Variants in MICALL1 observed in about 807,000 individuals in gnomAD.
MICALL1 encodes the protein MICAL-like protein 1.
A neutral mutation model predicts 83.7 loss-of-function variants in MICALL1; 61 were observed. The ratio of observed to expected loss-of-function variants is 0.73; its 90% CI spans 0.59 to 0.90. The LOEUF (loss-of-function observed/expected upper bound fraction) is 0.90, where lower values mean the gene tolerates loss of function less well. MICALL1 is among the 40% of genes least tolerant of loss of function. MICALL1 has a pLI of 0.00. For synonymous variants in MICALL1, 481 were observed against 473.6 expected, an observed-to-expected ratio of 1.02 and a Z score of -0.20; for missense variants, 1,066 against 1,152.0, an observed-to-expected ratio of 0.93 and a Z score of 1.08.
At position 37,930,107 on chromosome 22, in the gene MICALL1, T is replaced by A. The variant is rs958194452; in HGVS notation, c.1882-1692T>A. 9.2e-5 allele frequency among the ~76,000 whole-genome samples: 14 copies of A among 152,180 alleles called. No individual in the cohort carries two copies. Among genetic ancestry groups the A allele is most frequent in the Admixed American group, 7.9e-4 (12 of 15,286 alleles). On this transcript the variant is annotated intron_variant, in intron 9 of 15. Transcript: ENST00000215957. The surrounding 1 kb of genome is among the most constrained non-coding windows in gnomAD (Gnocchi z 4.8). ...GGGGTGGGTCACCTTCGGATTCTCG[T>A]GTTTCGTGTCCTGGGCTGCGTGAAT...
At chr22:37,935,473 A>G (rs979060267) in intron 13 of MICALL1, among the ~76,000 whole-genome samples, 1 of 147,728 alleles carries the variant, frequency 6.8e-6, no homozygotes, top group Non-Finnish European at 1.5e-5. Context: ...GTTAGCCAGG[A>G]TGGTCTTGAT....
Position 37,940,695 on chromosome 22 carries a change from T to G in MICALL1, c.2471-14T>G. 6.2e-7 allele frequency: 1 copy of G among 1,613,400 alleles called. No homozygotes were observed. Among genetic ancestry groups the G allele is most frequent in the Middle Eastern group, 1.7e-4 (1 of 6,058 alleles). ...TTCTCCACTTTATTAAGTGCTCCCC[T>G]CTCTGTGCTGCAGAGTTCCAGAGGG... On this transcript the variant is annotated splice_polypyrimidine_tract_variant and intron_variant, in intron 15 of 15. Coordinates refer to ENST00000215957, the MANE Select transcript of MICALL1 (RefSeq NM_033386.4).
At chr22:37,918,208 TCAA>T (rs1442838457) in intron 4 of MICALL1, among the ~76,000 whole-genome samples, 1 of 152,188 alleles carries the variant, frequency 6.6e-6, no homozygotes, top group Non-Finnish European at 1.5e-5. Flanking sequence ...TTTAATCCTC[TCAA>T]CAACCCAGGG....
chr22:37,913,876 CTTT>C (rs60697387), intron 3 of MICALL1, among the ~76,000 whole-genome samples: 4 of 138,672 alleles, frequency 2.9e-5, no homozygotes, highest in Admixed American at 1.5e-4. Flanking sequence ...TGGCCCAACT[CTTT>C]TTTTTTTTTT....
In MICALL1 at chr22:37,921,960, G is replaced by C; in HGVS notation, c.570-12G>C. On this transcript the variant is annotated splice_polypyrimidine_tract_variant and intron_variant, in intron 5 of 15. Transcript: ENST00000215957. ...GCCTGGCTAAGTGAACCCCTGTCCT[G>C]TCCCCTGCCAGGTGTCGGCGGTGCT... is the stretch of plus-strand genomic sequence containing the variant. 6.4e-7 allele frequency: 1 copy of C among 1,553,590 alleles called. No individual in the cohort carries two copies. Among genetic ancestry groups the C allele is most frequent in the Non-Finnish European group, 8.7e-7 (1 of 1,146,896 alleles).
chr22:37,926,349 C>T lies in MICALL1; in HGVS notation c.1465+306C>T, dbSNP rs1433352053. 7.9e-5 allele frequency among the ~76,000 whole-genome samples: 12 copies of T among 152,190 alleles called. No homozygotes were observed. The East Asian group carries it at 9.6e-4, about 12-fold the overall frequency. ...ATCTCTTCACCCTCCCTGTCGTGCTCGTTAAACGTGCTGTCTAGTGGTGTG... is the reference window on the plus strand; with the variant it reads ...ATCTCTTCACCCTCCCTGTCGTGCTTGTTAAACGTGCTGTCTAGTGGTGTG... On this transcript the variant is annotated intron_variant, in intron 8 of 15. Transcript: ENST00000215957.
In MICALL1 at chr22:37,927,706, C is replaced by A; in HGVS notation, c.1761C>A (p.Gly587=). 1 of 1,614,116 alleles carries A rather than the reference C, an allele frequency of 6.2e-7. No homozygotes were observed. Among genetic ancestry groups the A allele is most frequent in the Non-Finnish European group, 8.5e-7 (1 of 1,180,030 alleles). Residue 587 remains glycine, a synonymous_variant, in exon 9 of 16, where the codon GGC becomes GGA. Coordinates refer to ENST00000215957, the MANE Select transcript of MICALL1 (RefSeq NM_033386.4). ...CTGGCCTTGCCCCCAGGACCAGGGG[C>A]AGCTCAGGTCCCCAGCCAGCCAAGC... ...ASPGLAPRTR[G]SSGPQPAKPC...
At chr22:37,921,898 G>A (rs1601817055) in intron 5 of MICALL1, 74 bp from the exon 6 acceptor site, 1 of 1,412,486 alleles carries the variant, frequency 7.1e-7, no homozygotes, top group East Asian at 2.3e-5. Context: ...ACAGCCCTGG[G>A]TGCGGCTGGA....
In MICALL1 at chr22:37,917,775, G is replaced by C; in HGVS notation, c.406G>C (p.Glu136Gln). The change falls in exon 4 of 16, where the codon GAA becomes CAA. Residue 136 changes from glutamate to glutamine, a missense_variant. Glu to Gln is a conservative substitution (Grantham distance 29). Transcript: ENST00000215957. ...GCCGTCTGTAGCACCCACTCCAGTG[G>C]AACCAGAAGATGTGGCTCAGGTAGG... is the stretch of plus-strand genomic sequence containing the variant. ...SPPSVAPTPV[E>Q]PEDVAQGEEL... is the part of the protein sequence containing the mutation. The C allele has an allele frequency of 6.2e-7, 1 of 1,613,878 alleles. No homozygotes were observed. Among genetic ancestry groups the C allele is most frequent in the Non-Finnish European group, 8.5e-7 (1 of 1,179,860 alleles).
intron 9 of MICALL1, among the ~76,000 whole-genome samples, chr22:37,928,522 A>G (rs1166665988): frequency 6.6e-6 from 1 of 152,076 alleles, no homozygotes; most frequent in African/African-American, 2.4e-5. Context: ...GGCCTTTTCT[A>G]TCTTTACTGG....
chr22:37,933,208 A>T (rs1929898287), intron 13 of MICALL1, 96 bp downstream of exon 13: 12 of 1,271,316 alleles, frequency 9.4e-6, no homozygotes, highest in Non-Finnish European at 1.4e-5. Context: ...AGTAGGATGC[A>T]CAGGCAGACT....
intron 7 of MICALL1, among the ~76,000 whole-genome samples, chr22:37,925,051 A>G (rs1174562239): frequency 6.6e-6 from 1 of 152,134 alleles, no homozygotes; most frequent in Non-Finnish European, 1.5e-5. Context: ...GCAGCAGAGT[A>G]TAGAAAGACC....
chr22:37,925,682 C>T lies in MICALL1; in HGVS notation c.1104C>T (p.Asp368=). 1 of 1,604,730 alleles carries T rather than the reference C, an allele frequency of 6.2e-7. No individual in the cohort carries two copies. The highest frequency in any genetic ancestry group is 2.2e-5 in the East Asian group (1 of 44,664). ...CCAGGACACCAGCCCCCAGGAAGGA[C>T]CCCCCATGGATCACGCTGGTGCAGG... is the stretch of plus-strand genomic sequence containing the variant. The part of the protein sequence containing the change: ...PSEGTPAPRK[D]PPWITLVQAE... The change falls in exon 8 of 16, where the codon GAC becomes GAT. Residue 368 remains aspartate, a synonymous_variant. Transcript: ENST00000215957.
Position 37,931,929 on chromosome 22 carries a change from G to A in MICALL1, c.2012G>A (p.Arg671His). 1.9e-6 allele frequency: 3 copies of A among 1,613,906 alleles called. No homozygotes were observed. The highest frequency in any genetic ancestry group is 2.5e-6 in the Non-Finnish European group (3 of 1,179,934). ...GGACACGGCTTTCCACTCATCAAAC[G>A]CAAGGTACCAGCTGGGAGCCCCCCG... ...APGHGFPLIK[R>H]KVQADQYIPE... The change falls in exon 10 of 16, where the codon CGC becomes CAC. Residue 671 changes from arginine to histidine, a missense_variant. Coordinates refer to ENST00000215957, the MANE Select transcript of MICALL1 (RefSeq NM_033386.4).
rs780875396 is a variant in MICALL1, at chr22:37,932,615, C to T, written c.2079C>T (p.Arg693=). 1 of 1,614,174 alleles carries T rather than the reference C, an allele frequency of 6.2e-7. No homozygotes were observed. The highest frequency in any genetic ancestry group is 1.1e-5 in the South Asian group (1 of 91,090). The change falls in exon 11 of 16, where the codon CGC becomes CGT. Residue 693 remains arginine, a synonymous_variant. Coordinates refer to ENST00000215957, the MANE Select transcript of MICALL1 (RefSeq NM_033386.4). The surrounding 1 kb of genome is among the most constrained non-coding windows in gnomAD (Gnocchi z 4.4). ...DIHGEMDTIE[R]RLDALEHRGV... ...ATGGAGAGATGGATACCATTGAGCG[C>T]CGGCTGGATGCCCTGGAGCACCGTG...
In MICALL1 at chr22:37,940,834, C is replaced by G. The variant is rs777451602; in HGVS notation, c.*4C>G. 6.2e-6 allele frequency: 10 copies of G among 1,613,668 alleles called. No homozygotes were observed. In the East Asian group the frequency reaches 1.6e-4, roughly 25 times the overall value. ...GTCCCCCAGAGACAAGAGCTAACAG[C>G]ACGAGAAGCCAGTTGGGGACTGCCC... On this transcript the variant is annotated 3_prime_UTR_variant, in exon 16 of 16. Transcript: ENST00000215957.
At chr22:37,934,581 G>GT (rs1555927080) in intron 13 of MICALL1, among the ~76,000 whole-genome samples, 39 of 148,304 alleles carry the variant, frequency 2.6e-4, no homozygotes, top group Non-Finnish European at 3.8e-4. Context: ...TTGGGGGGGG[G>GT]TATTTATTTA....
intron 13 of MICALL1, among the ~76,000 whole-genome samples, chr22:37,935,534 C>T (rs1375450080): frequency 6.6e-6 from 1 of 152,028 alleles, no homozygotes; most frequent in Non-Finnish European, 1.5e-5. Flanking sequence ...GCTGGGATTA[C>T]AGGCGTGAGC....
intron 13 of MICALL1, among the ~76,000 whole-genome samples, 189 bp downstream of exon 13, chr22:37,933,301 G>A (rs1319034347): frequency 6.6e-6 from 1 of 152,166 alleles, no homozygotes; most frequent in African/African-American, 2.4e-5. Context: ...CAGGCAGTAA[G>A]CTGGCTGGGG....
Sources: allele counts gnomAD v4.1 joint callset (sites outside exome capture counted in the v4.1 genomes callset), GRCh38; gene constraint gnomAD v4.1.1; non-coding constraint Gnocchi (gnomAD v3.1); transcripts MANE v1.5; gene names NCBI Gene and HGNC (gene_info 2026-07-23, HGNC 2026-07-21).